DCAF8: variants seen among roughly 807,000 people sequenced by gnomAD.
DCAF8 encodes DDB1- and CUL4-associated factor 8.
Under a neutral mutation model 68.0 loss-of-function variants are expected in DCAF8, and 20 were observed. That is an observed-to-expected ratio of 0.29 (90% CI 0.21 to 0.43). The LOEUF is 0.43. Among genes scored for constraint, DCAF8 ranks in the 20% least tolerant of loss-of-function variants. DCAF8 has a pLI of 1.00. For missense variants in DCAF8, 460 were observed against 771.0 expected (o/e 0.60, Z 4.78); for synonymous variants, 230 against 276.9 (o/e 0.83, Z 1.68).
chr1:160,235,620 T>C (rs1459202737), intron 6 of DCAF8, among the ~76,000 whole-genome samples: 1 of 151,916 alleles, frequency 6.6e-6, no homozygotes, highest in Non-Finnish European at 1.5e-5. Context: ...GAAACATACA[T>C]ATATGTTTAT....
chr1:160,217,634 G>T lies in DCAF8; in HGVS notation c.1752C>A (p.Asp584Glu). 1 of 1,614,062 alleles carries T rather than the reference G, an allele frequency of 6.2e-7. No homozygotes were observed. The highest frequency in any genetic ancestry group is 8.5e-7 in the Non-Finnish European group (1 of 1,179,992). The stretch of plus-strand genomic sequence containing the variant: ...GCACCCGGTCAGGGCCCTCCTCCTC[G>T]TCCGATGTGTCTGAGGAGCTGGGAG... ...DESPSSSDTS[D>E]EEEGPDRVQC... The change falls in exon 14 of 14, where the codon GAC becomes GAA. Residue 584 changes from aspartate (D) to glutamate (E), a missense_variant. Physicochemically the swap from Asp to Glu is conservative, Grantham distance 45. Around this residue, in one of 8 missense-constraint regions of DCAF8, gnomAD observed 80 missense variants for 115.1 expected, o/e 0.70. Coordinates refer to ENST00000368074, the MANE Select transcript of DCAF8 (RefSeq NM_015726.4).
intron 13 of DCAF8, 197 bp downstream of exon 13, chr1:160,218,127 A>G (rs1655184597): frequency 3.1e-6 from 2 of 640,270 alleles, no homozygotes; most frequent in East Asian, 2.6e-5. Flanking sequence ...ATGGACGGCA[A>G]TGGACAAAAG....
intron 6 of DCAF8, 50 bp from the exon 7 acceptor site, chr1:160,231,457 T>A: frequency 2.8e-6 from 4 of 1,406,772 alleles, no homozygotes; most frequent in Non-Finnish European, 4.0e-6. Context: ...AAGATCCAAA[T>A]GGTCATGGCA....
chr1:160,237,318 A>G, intron 5 of DCAF8, 89 bp from the exon 6 acceptor site: 1 of 881,818 alleles, frequency 1.1e-6, no homozygotes, highest in East Asian at 2.7e-5. Context: ...GAAGGGCTGC[A>G]CTTAAAATGT....
At chr1:160,226,504 GACA>G (rs1655479107) in intron 7 of DCAF8, among the ~76,000 whole-genome samples, 1 of 152,172 alleles carries the variant, frequency 6.6e-6, no homozygotes, top group Non-Finnish European at 1.5e-5. Context: ...TGAGGAACAA[GACA>G]GATCCAGTAT....
intron 2 of DCAF8, among the ~76,000 whole-genome samples, chr1:160,255,678 G>A (rs904060456): frequency 1.3e-5 from 2 of 152,082 alleles, no homozygotes; most frequent in African/African-American, 2.4e-5. Context: ...GGAGTACACT[G>A]GTGTGATATT....
rs927363265 is a variant in DCAF8 at position 160,216,175 on chromosome 1, TGGACAA to T, written c.*1411_*1416del. 12 of 151,980 alleles carry T rather than the reference TGGACAA, an allele frequency of 7.9e-5. No individual in the cohort carries two copies. Among genetic ancestry groups the T allele is most frequent in the African/African-American group, 2.7e-4 (11 of 41,356 alleles). 9.4% of individuals were successfully genotyped at this position (151,980 alleles called of 1,614,324 possible). ...TCCTCAATCCTAAAATATCAAGAGGTGGACAAGGTTTAAGTCAAACCCAGGAAGTCT... is the reference window on the plus strand; with the variant it reads ...TCCTCAATCCTAAAATATCAAGAGGTGGTTTAAGTCAAACCCAGGAAGTCT... On this transcript the variant is annotated 3_prime_UTR_variant, in exon 14 of 14. Transcript: ENST00000368074.
chr1:160,222,567 A>G (rs1416202349), intron 11 of DCAF8, 84 bp downstream of exon 11: 1 of 1,552,404 alleles, frequency 6.4e-7, no homozygotes, highest in Non-Finnish European at 8.8e-7. Flanking sequence ...ATGTAGTCAC[A>G]GTGAGAATTC....
At chr1:160,230,820 T>C (rs1655652294) in intron 7 of DCAF8, among the ~76,000 whole-genome samples, 1 of 152,168 alleles carries the variant, frequency 6.6e-6, no homozygotes, top group Non-Finnish European at 1.5e-5. Context: ...GGCACAATCT[T>C]GGCTCATTGC....
chr1:160,221,699 AC>A (rs1388325103), intron 11 of DCAF8, among the ~76,000 whole-genome samples: 1 of 151,984 alleles, frequency 6.6e-6, no homozygotes, highest in Non-Finnish European at 1.5e-5. Context: ...GCCTTGGATA[AC>A]CAGACTATTC....
At chr1:160,256,956 A>AT (rs959328799) in intron 2 of DCAF8, among the ~76,000 whole-genome samples, 17 of 152,250 alleles carry the variant, frequency 1.1e-4, no homozygotes, top group African/African-American at 4.1e-4. Context: ...TCACTCGCTA[A>AT]TTTTTGAAAA....
intron 3 of DCAF8, among the ~76,000 whole-genome samples, chr1:160,243,099 G>A (rs1242828728): frequency 6.6e-6 from 1 of 152,208 alleles, no homozygotes; most frequent in Non-Finnish European, 1.5e-5. Flanking sequence ...GCTGGACTCT[G>A]TGCTGCCCAA....
intron 4 of DCAF8, 71 bp from the exon 5 acceptor site, chr1:160,238,818 CGAT>C (rs1655982966): frequency 7.1e-7 from 1 of 1,414,174 alleles, no homozygotes; most frequent in Middle Eastern, 2.1e-4. Flanking sequence ...ATAAAAAATA[CGAT>C]GATGACCTCA....
intron 6 of DCAF8, among the ~76,000 whole-genome samples, chr1:160,236,446 G>A (rs1025526862): frequency 3.3e-5 from 5 of 149,706 alleles, no homozygotes; most frequent in Admixed American, 1.3e-4. Context: ...GTGTGTGTGT[G>A]TATATATATA....
intron 11 of DCAF8, chr1:160,221,136 C>A (rs1655282086): frequency 6.6e-6 from 1 of 152,246 alleles, no homozygotes; most frequent in African/African-American, 2.4e-5. Context: ...GAGCTAAAAG[C>A]AAACTGGCCT....
chr1:160,260,562 TGCTACCAGAAACCTGAAAGCCTCAC>T (rs113326447), intron 2 of DCAF8, among the ~76,000 whole-genome samples: 3,354 of 152,272 alleles, frequency 0.022, 122 homozygotes, highest in African/African-American at 0.077. Flanking sequence ...CTCTAGTCTC[TGCTACCAGAAACCTGAAAGCCTCAC>T]GAAAACTGCA....
intron 2 of DCAF8, among the ~76,000 whole-genome samples, chr1:160,255,104 T>G (rs1247002761): frequency 6.6e-6 from 1 of 152,228 alleles, no homozygotes; most frequent in African/African-American, 2.4e-5. Flanking sequence ...CCAAACATCG[T>G]ATATAATATA....
chr1:160,250,374 G>A (rs1161593078), intron 2 of DCAF8, among the ~76,000 whole-genome samples: 1 of 148,514 alleles, frequency 6.7e-6, no homozygotes, highest in Non-Finnish European at 1.5e-5. Flanking sequence ...GCTGAGGCAG[G>A]AGAATTGCCT....
chr1:160,221,863 T>A (rs1655308451), intron 11 of DCAF8, among the ~76,000 whole-genome samples: 1 of 151,198 alleles, frequency 6.6e-6, no homozygotes, highest in African/African-American at 2.4e-5. Flanking sequence ...CAGATACATC[T>A]TAAGAGCTGA....
Sources: allele counts gnomAD v4.1 joint callset (sites outside exome capture counted in the v4.1 genomes callset), GRCh38; gene constraint gnomAD v4.1.1; regional missense constraint gnomAD v4.1.1; transcripts MANE v1.5; gene names NCBI Gene and HGNC (gene_info 2026-07-23, HGNC 2026-07-21).